The following CNMD variants were observed in gnomAD, a reference collection of about 807,000 sequenced individuals.
CNMD encodes the protein chondromodulin.
A neutral mutation model predicts 37.5 loss-of-function variants in CNMD; 30 were observed. That is an observed-to-expected ratio of 0.80 (90% confidence interval 0.60 to 1.09). The LOEUF (loss-of-function observed/expected upper bound fraction) is 1.09, where lower values mean the gene tolerates loss of function less well. Ranked by LOEUF, CNMD falls within the 50% of genes least tolerant of loss-of-function variation. The pLI, the probability that CNMD is intolerant of heterozygous loss-of-function variation, is 0.00. For missense variants in CNMD, 398 were observed against 423.9 expected (o/e 0.94, Z 0.54); for synonymous variants, 167 against 148.2 (o/e 1.13, Z -0.92).
chr13:52,723,791 T>C (rs569407400), intron 4 of CNMD, among the ~76,000 whole-genome samples: 1 of 152,188 alleles, frequency 6.6e-6, no homozygotes, highest in South Asian at 2.1e-4. Context: ...GTTAGTTGGA[T>C]GTGGTGGTGT....
Position 52,733,214 on chromosome 13 carries a change from C to G in CNMD, c.354+5G>C. The G allele has an allele frequency of 6.2e-7, 1 of 1,614,010 alleles. No individual in the cohort carries two copies. The highest frequency in any genetic ancestry group is 8.5e-7 in the Non-Finnish European group (1 of 1,179,878). ...AAATTCTCTAAATGCATGAAATATA[C>G]TTACATTCTGGAAATCATTAACTGC... On this transcript the variant is annotated splice_donor_5th_base_variant and intron_variant, in intron 3 of 6. Transcript: ENST00000377962.
Position 52,703,584 on chromosome 13 carries a change from A to G in CNMD, c.*11T>C. 1 of 1,585,674 alleles carries G rather than the reference A, an allele frequency of 6.3e-7. No homozygotes were observed. ...GTTCTTATTTTACAGCACATGATAT[A>G]TGAAGTGATTTCACACCATGCCCAA... On this transcript the variant is annotated 3_prime_UTR_variant, in exon 7 of 7. Transcript: ENST00000377962.
intron 4 of CNMD, among the ~76,000 whole-genome samples, chr13:52,719,035 G>A (rs1964436580): frequency 6.6e-6 from 1 of 152,090 alleles, no homozygotes. Context: ...TATATATTTA[G>A]GATAGTTAGT....
chr13:52,715,219 G>C (rs759712193), intron 4 of CNMD, among the ~76,000 whole-genome samples: 2 of 151,872 alleles, frequency 1.3e-5, no homozygotes, highest in African/African-American at 4.8e-5. Context: ...GCAAATACTA[G>C]GTCTTATTTA....
In CNMD at chr13:52,739,680, C is replaced by A; in HGVS notation, c.22G>T (p.Val8Phe). MTENSDK[V>F]PIALVGPDDV... ...TCAGGTCCCACCAGGGCAATGGGAA[C>A]TTTGTCGGAGTTCTCTGTCATGTTT... The change falls in exon 1 of 7, where the codon GTT becomes TTT. Residue 8 changes from valine (V) to phenylalanine (F), a missense_variant. Physicochemically the swap from Val to Phe is conservative, Grantham distance 50. Coordinates refer to ENST00000377962, the MANE Select transcript of CNMD (RefSeq NM_007015.3). This position sits in a 1 kb window ranked among gnomAD's most constrained non-coding sequence, Gnocchi z 5.4. 6.2e-7 allele frequency: 1 copy of A among 1,614,148 alleles called. No homozygotes were observed. The highest frequency in any genetic ancestry group is 8.5e-7 in the Non-Finnish European group (1 of 1,180,004).
At chr13:52,734,206 T>C (rs1166348980) in intron 2 of CNMD, among the ~76,000 whole-genome samples, 1 of 152,200 alleles carries the variant, frequency 6.6e-6, no homozygotes, top group African/African-American at 2.4e-5. Flanking sequence ...CACGAGTGTA[T>C]AATGAAGTTG....
intron 4 of CNMD, among the ~76,000 whole-genome samples, chr13:52,721,037 C>T (rs1217646628): frequency 3.9e-5 from 6 of 152,170 alleles, no homozygotes; most frequent in Admixed American, 6.5e-5. Flanking sequence ...CTGGTTACAG[C>T]GGCTTTGAGG....
At chr13:52,730,534 ATCTCATTGTGGTTTTGATTTGCATT>A (rs1175265404) in intron 3 of CNMD, among the ~76,000 whole-genome samples, 4 of 152,060 alleles carry the variant, frequency 2.6e-5, no homozygotes, top group Non-Finnish European at 5.9e-5. Flanking sequence ...GTGAGATGGT[ATCTCATTGTGGTTTTGATTTGCATT>A]TCTCTGATGG....
intron 5 of CNMD, among the ~76,000 whole-genome samples, chr13:52,712,282 A>G (rs1447825944): frequency 1.3e-5 from 2 of 152,220 alleles, no homozygotes; most frequent in East Asian, 3.8e-4. Context: ...GCCAATACCC[A>G]TAGCAGCTTT....
chr13:52,703,648 T>C lies in CNMD; in HGVS notation c.952A>G (p.Arg318Gly). The change falls in exon 7 of 7, where the codon AGA becomes GGA. Residue 318 changes from arginine (R) to glycine (G), a missense_variant. Arg to Gly is a moderately radical substitution (Grantham distance 125). Coordinates refer to ENST00000377962, the MANE Select transcript of CNMD (RefSeq NM_007015.3). ...CACCAGCTACATGGCATGATGACTC[T>C]GCAGGCCGAACGGCAGCCTTGATAA... ...YNYQGCRSAC[R>G]VIMPCSWWVA... 6.2e-7 allele frequency: 1 copy of C among 1,614,100 alleles called. No homozygotes were observed. The highest frequency in any genetic ancestry group is 8.5e-7 in the Non-Finnish European group (1 of 1,179,972).
At position 52,703,531 on chromosome 13, in the gene CNMD, A is replaced by T; in HGVS notation, c.*64T>A. On this transcript the variant is annotated 3_prime_UTR_variant, in exon 7 of 7. Coordinates refer to ENST00000377962, the MANE Select transcript of CNMD (RefSeq NM_007015.3). ...GGTCCTATCAGCATCAACCTGCCTT[A>T]ATGCTTCTTTGGTTGTCTCTTCAGC... The T allele has an allele frequency of 8.6e-7, 1 of 1,168,868 alleles. No individual in the cohort carries two copies. Among genetic ancestry groups the T allele is most frequent in the Non-Finnish European group, 1.3e-6 (1 of 787,792 alleles). 72.4% of individuals were successfully genotyped at this position (1,168,868 alleles called of 1,614,324 possible).
rs1392486682 is a variant in CNMD, at chr13:52,703,491, G to A, written c.*104C>T. 4.0e-6 allele frequency: 3 copies of A among 750,956 alleles called. No homozygotes were observed. Among genetic ancestry groups the A allele is most frequent in the African/African-American group, 3.5e-5 (2 of 57,644 alleles). 46.5% of individuals were successfully genotyped at this position (750,956 alleles called of 1,614,324 possible). On this transcript the variant is annotated 3_prime_UTR_variant, in exon 7 of 7. Coordinates refer to ENST00000377962, the MANE Select transcript of CNMD (RefSeq NM_007015.3). ...TCAAGAATAACCGCTCAGGTTGAGT[G>A]TAAAAATATTTTGTGGTCCTATCAG...
intron 5 of CNMD, among the ~76,000 whole-genome samples, chr13:52,709,063 T>C (rs1295733405): frequency 6.6e-6 from 1 of 152,144 alleles, no homozygotes; most frequent in Non-Finnish European, 1.5e-5. Flanking sequence ...AGTGGCCAGG[T>C]GAGACATATC....
intron 2 of CNMD, among the ~76,000 whole-genome samples, chr13:52,736,195 T>C (rs4386030): frequency 0.53 from 79,836 of 152,004 alleles, 21,259 homozygotes; most frequent in Non-Finnish European, 0.58. Flanking sequence ...AGGGTTTCAC[T>C]GTGTTAGCCA....
chr13:52,724,134 C>T, intron 3 of CNMD, 24 bp from the exon 4 acceptor site: 1 of 1,504,552 alleles, frequency 6.6e-7, no homozygotes, highest in Non-Finnish European at 9.3e-7. Flanking sequence ...GTGTATCCAT[C>T]TATCTATCCA....
chr13:52,737,774 T>C (rs1964796606), intron 2 of CNMD, among the ~76,000 whole-genome samples: 1 of 152,248 alleles, frequency 6.6e-6, no homozygotes, highest in Non-Finnish European at 1.5e-5. Context: ...ATTGAAATCA[T>C]TCTCTTATTC....
chr13:52,712,116 GA>G (rs1964298829), intron 5 of CNMD, among the ~76,000 whole-genome samples: 2 of 152,296 alleles, frequency 1.3e-5, no homozygotes, highest in Admixed American at 1.3e-4. Flanking sequence ...AGAAACTCAG[GA>G]GGGAGAGTGA....
chr13:52,711,428 T>C (rs1964288083), intron 5 of CNMD, among the ~76,000 whole-genome samples: 1 of 152,152 alleles, frequency 6.6e-6, no homozygotes, highest in Admixed American at 6.5e-5. Flanking sequence ...CACAGCCCAT[T>C]TGGCAGCCCC....
chr13:52,706,971 G>A (rs929941729), intron 6 of CNMD, among the ~76,000 whole-genome samples: 15 of 152,136 alleles, frequency 9.9e-5, no homozygotes, highest in Middle Eastern at 3.4e-3. Flanking sequence ...TTGGCTCACC[G>A]CAACCTCAGT....
Sources: gnomAD v4.1 joint callset for allele counts (sites outside exome capture counted in the v4.1 genomes callset) on GRCh38, gnomAD v4.1.1 for gene constraint, Gnocchi (gnomAD v3.1) non-coding constraint, MANE v1.5 for transcripts, NCBI Gene and HGNC (gene_info 2026-07-23, HGNC 2026-07-21) for gene names.